Variants in GTF2E1 observed in about 807,000 individuals in gnomAD.
GTF2E1 encodes the protein general transcription factor IIE subunit 1.
Under a neutral mutation model 34.9 loss-of-function variants are expected in GTF2E1, and 14 were observed. The observed-to-expected ratio is 0.40, with a 90% CI of 0.27 to 0.63. GTF2E1 has a LOEUF of 0.63. Among genes scored for constraint, GTF2E1 ranks in the 20% least tolerant of loss-of-function variants. The pLI is 0.39. For missense variants in GTF2E1, 469 were observed against 557.7 expected (o/e 0.84, Z 1.60); for synonymous variants, 188 against 192.9 (o/e 0.97, Z 0.21).
At chr3:120,777,951 T>C (rs1383331619) in intron 4 of GTF2E1, among the ~76,000 whole-genome samples, 1 of 152,242 alleles carries the variant, frequency 6.6e-6, no homozygotes, top group Non-Finnish European at 1.5e-5. Flanking sequence ...CTCAAACTCC[T>C]GACCTCAAGT....
rs1023058935 is a variant in GTF2E1 at position 120,783,002 on chromosome 3, G to A, written c.*1532G>A. 2 of 152,056 alleles carry A rather than the reference G, an allele frequency of 1.3e-5. No homozygotes were observed. Among genetic ancestry groups the A allele is most frequent in the African/African-American group, 4.8e-5 (2 of 41,404 alleles). 9.4% of individuals were successfully genotyped at this position (152,056 alleles called of 1,614,324 possible). ...GTAAAGAATATATGAGCCTTGTATGGAGTGATGTTTCATTTACCTGGGTTG... is the reference window on the plus strand; with the variant it reads ...GTAAAGAATATATGAGCCTTGTATGAAGTGATGTTTCATTTACCTGGGTTG... On this transcript the variant is annotated 3_prime_UTR_variant, in exon 5 of 5. Transcript: ENST00000283875.
chr3:120,742,921 T>A, intron 1 of GTF2E1, 127 bp downstream of exon 1: 1 of 222,844 alleles, frequency 4.5e-6, no homozygotes, highest in Non-Finnish European at 9.3e-6. Flanking sequence ...CTTGGTCCTC[T>A]TGGTCCTCCA....
intron 2 of GTF2E1, among the ~76,000 whole-genome samples, chr3:120,769,561 G>C (rs973628609): frequency 2.0e-5 from 3 of 152,174 alleles, no homozygotes; most frequent in Non-Finnish European, 2.9e-5. Flanking sequence ...GAGGTGACAA[G>C]AACAGAGTGA....
chr3:120,780,848 T>C (rs73183725), intron 4 of GTF2E1, among the ~76,000 whole-genome samples, 195 bp from the exon 5 acceptor site: 3,247 of 152,324 alleles, frequency 0.021, 55 homozygotes, highest in Middle Eastern at 0.054. Flanking sequence ...GCCAATGTAC[T>C]TGACCATTAT....
At chr3:120,777,560 C>T (rs1709412151) in intron 4 of GTF2E1, among the ~76,000 whole-genome samples, 1 of 152,120 alleles carries the variant, frequency 6.6e-6, no homozygotes, top group South Asian at 2.1e-4. Flanking sequence ...TCATAATTAG[C>T]ATTTAGTATA....
intron 2 of GTF2E1, among the ~76,000 whole-genome samples, chr3:120,761,806 T>C (rs1709266094): frequency 6.6e-6 from 1 of 150,634 alleles, no homozygotes; most frequent in African/African-American, 2.5e-5. Context: ...TTTTTTTTTT[T>C]TTGAGACGTA....
At position 120,750,558 on chromosome 3, in the gene GTF2E1, A is replaced by C. The variant is rs767488952; in HGVS notation, c.6A>C (p.Ala2=). The C allele has an allele frequency of 4.4e-6, 7 of 1,604,588 alleles. No individual in the cohort carries two copies. Among genetic ancestry groups the C allele is most frequent in the Admixed American group, 3.4e-5 (2 of 59,510 alleles). Reference sequence around the variant, plus strand: ...GTTGGAGTTCGTTGCTAAAGATGGCAGACCCAGATGTCCTCACTGAAGTTC... The same window carrying C: ...GTTGGAGTTCGTTGCTAAAGATGGCCGACCCAGATGTCCTCACTGAAGTTC... M[A]DPDVLTEVPA... Residue 2 remains alanine, a synonymous_variant, in exon 2 of 5, where the codon GCA becomes GCC. Coordinates refer to ENST00000283875, the MANE Select transcript of GTF2E1 (RefSeq NM_005513.3).
chr3:120,753,121 GT>G (rs1350700943), intron 2 of GTF2E1, among the ~76,000 whole-genome samples: 18 of 144,346 alleles, frequency 1.2e-4, no homozygotes, highest in Admixed American at 4.1e-4. Flanking sequence ...TTTTGTTTTT[GT>G]TTTTTTTTTT....
intron 2 of GTF2E1, among the ~76,000 whole-genome samples, chr3:120,760,335 C>T (rs929389747): frequency 5.9e-5 from 9 of 152,144 alleles, no homozygotes; most frequent in African/African-American, 1.9e-4. Context: ...TGGGCTGAAA[C>T]GATGGAGTTT....
intron 3 of GTF2E1, among the ~76,000 whole-genome samples, chr3:120,775,843 A>G (rs1277827748): frequency 1.3e-5 from 2 of 152,206 alleles, no homozygotes; most frequent in African/African-American, 4.8e-5. Flanking sequence ...AAAAGCAGCT[A>G]GTTTGTGCAG....
rs1422910077 is a variant in GTF2E1 at position 120,782,578 on chromosome 3, A to G, written c.*1108A>G. Reference sequence around the variant, plus strand: ...AGTTAGTCTGATTTGGAAATCCTTTATGTAAAGCTGAGACTGGTCCTGGTT... The same window carrying G: ...AGTTAGTCTGATTTGGAAATCCTTTGTGTAAAGCTGAGACTGGTCCTGGTT... On this transcript the variant is annotated 3_prime_UTR_variant, in exon 5 of 5. Coordinates refer to ENST00000283875, the MANE Select transcript of GTF2E1 (RefSeq NM_005513.3). 2.6e-5 allele frequency: 4 copies of G among 152,218 alleles called. No individual in the cohort carries two copies. Among genetic ancestry groups the G allele is most frequent in the African/African-American group, 7.2e-5 (3 of 41,460 alleles). 9.4% of individuals were successfully genotyped at this position (152,218 alleles called of 1,614,324 possible).
chr3:120,781,710 CTT>C lies in GTF2E1; in HGVS notation c.*243_*244del. 2.8e-6 allele frequency: 1 copy of C among 353,618 alleles called. No homozygotes were observed. The highest frequency in any genetic ancestry group is 4.9e-6 in the Non-Finnish European group (1 of 202,834). The allele number at this position is 353,618 out of a possible 1,614,324, so 21.9% of individuals were successfully genotyped here. ...CAGTATTAATATTTTACTGTATTTT[CTT>C]TTCTTTTTTTTTTTTTTTTGGAGAT... On this transcript the variant is annotated 3_prime_UTR_variant, in exon 5 of 5. Transcript: ENST00000283875.
Position 120,770,714 on chromosome 3 carries a change from T to C in GTF2E1, c.449-14T>C. On this transcript the variant is annotated splice_polypyrimidine_tract_variant and intron_variant, in intron 2 of 4. Transcript: ENST00000283875. ...AGTCTTCTCTCTGACCTGAGATACT[T>C]GTTTTCTCTGTAGGAACTTTCCGCT... The C allele has an allele frequency of 6.2e-7, 1 of 1,601,478 alleles. No homozygotes were observed. Among genetic ancestry groups the C allele is most frequent in the Non-Finnish European group, 8.6e-7 (1 of 1,168,746 alleles).
chr3:120,748,463 C>G (rs374808566), intron 1 of GTF2E1, among the ~76,000 whole-genome samples: 8 of 152,258 alleles, frequency 5.3e-5, no homozygotes, highest in African/African-American at 1.9e-4. Flanking sequence ...TCAGCTTTCT[C>G]CATGTGGCTA....
At chr3:120,772,507 T>C (rs931190297) in intron 3 of GTF2E1, among the ~76,000 whole-genome samples, 5 of 152,210 alleles carry the variant, frequency 3.3e-5, no homozygotes, top group Non-Finnish European at 7.3e-5. Context: ...AGAAAAGGAA[T>C]TCCTCTTTTG....
chr3:120,781,280 G>A lies in GTF2E1; in HGVS notation c.1130G>A (p.Arg377Gln), dbSNP rs143455323. 51 of 1,614,122 alleles carry A rather than the reference G, an allele frequency of 3.2e-5. No individual in the cohort carries two copies. The highest frequency in any genetic ancestry group is 2.7e-4 in the Admixed American group (16 of 60,014). ...PRPAAVAVHK[R>Q]EEDEEEDDEF... ...CCGGCAGCTGTGGCTGTGCATAAAC[G>A]AGAAGAGGATGAAGAGGAAGATGAC... Residue 377 changes from arginine to glutamine, a missense_variant, in exon 5 of 5, where the codon CGA becomes CAA. Coordinates refer to ENST00000283875, the MANE Select transcript of GTF2E1 (RefSeq NM_005513.3).
intron 3 of GTF2E1, among the ~76,000 whole-genome samples, chr3:120,773,220 C>T (rs115461386): frequency 0.011 from 1,724 of 152,158 alleles, 33 homozygotes; most frequent in African/African-American, 0.04. Context: ...ACAAATTCCA[C>T]TGCTTGGATA....
At position 120,781,392 on chromosome 3, in the gene GTF2E1, A is replaced by C; in HGVS notation, c.1242A>C (p.Leu414=). ...SYSEVSQRPE[L]VAQMTPEEKE... ...GTGAAGTGAGCCAACGGCCAGAGCT[A>C]GTGGCCCAGATGACACCAGAAGAAA... Residue 414 remains leucine, a synonymous_variant, in exon 5 of 5, where the codon CTA becomes CTC. Coordinates refer to ENST00000283875, the MANE Select transcript of GTF2E1 (RefSeq NM_005513.3). The C allele has an allele frequency of 6.2e-7, 1 of 1,614,008 alleles. No homozygotes were observed. Among genetic ancestry groups the C allele is most frequent in the Non-Finnish European group, 8.5e-7 (1 of 1,179,836 alleles).
chr3:120,750,242 A>G (rs1221779076), intron 1 of GTF2E1, among the ~76,000 whole-genome samples: 2 of 152,246 alleles, frequency 1.3e-5, no homozygotes, highest in African/African-American at 2.4e-5. Context: ...TCTCTTCTGA[A>G]GTAAAGTAGA....
Sources: gnomAD v4.1 joint callset for allele counts (sites outside exome capture counted in the v4.1 genomes callset) on GRCh38, gnomAD v4.1.1 for gene constraint, MANE v1.5 for transcripts, NCBI Gene and HGNC (gene_info 2026-07-23, HGNC 2026-07-21) for gene names.